Variants in DPP10 observed in about 807,000 individuals in gnomAD.
The protein encoded by DPP10 is inactive dipeptidyl peptidase 10.
Under a neutral mutation model 120.9 loss-of-function variants are expected in DPP10, and 33 were observed. The ratio of observed to expected loss-of-function variants is 0.27; its 90% CI spans 0.21 to 0.37. The LOEUF is 0.37. Ranked by LOEUF, DPP10 falls within the 10% of genes least tolerant of loss-of-function variation. The probability of loss-of-function intolerance (pLI) is 1.00; values close to 1 mark genes in which losing one functional copy is unlikely to be tolerated. For synonymous variants in DPP10, 337 were observed against 326.1 expected, an observed-to-expected ratio of 1.03 and a Z score of -0.36; for missense variants, 816 against 942.8, an observed-to-expected ratio of 0.87 and a Z score of 1.76.
chr2:115,082,404 A>G (rs1431207445), intron 1 of DPP10, among the ~76,000 whole-genome samples: 2 of 152,208 alleles, frequency 1.3e-5, no homozygotes, highest in Non-Finnish European at 2.9e-5. Flanking sequence ...TCTACATGGA[A>G]CTATGGTTAT....
chr2:114,974,471 G>A (rs1159564584), intron 1 of DPP10, among the ~76,000 whole-genome samples: 1 of 145,948 alleles, frequency 6.9e-6, no homozygotes, highest in Non-Finnish European at 1.5e-5. Flanking sequence ...AGGCTGGAGT[G>A]CAGTGGCAAG....
chr2:114,597,825 C>T (rs563288169), intron 1 of DPP10, among the ~76,000 whole-genome samples: 48 of 152,018 alleles, frequency 3.2e-4, no homozygotes, highest in Admixed American at 1.6e-3. Context: ...TTGCCTATAT[C>T]CTAGTTGCTA....
At chr2:115,284,425 A>T (rs2060282999) in intron 1 of DPP10, among the ~76,000 whole-genome samples, 1 of 152,006 alleles carries the variant, frequency 6.6e-6, no homozygotes, top group Admixed American at 6.6e-5. Context: ...GGGTAGCTTC[A>T]GTAAGTCAAA....
intron 3 of DPP10, among the ~76,000 whole-genome samples, chr2:115,442,801 G>A (rs7600133): frequency 0.14 from 20,934 of 151,996 alleles, 3,163 homozygotes; most frequent in African/African-American, 0.36. Flanking sequence ...ACATTATTGA[G>A]AAATGTAAGG....
intron 1 of DPP10, among the ~76,000 whole-genome samples, chr2:114,902,424 T>C (rs186341612): frequency 1.4e-4 from 22 of 152,334 alleles, no homozygotes; most frequent in East Asian, 5.8e-4. Flanking sequence ...GATCGTTCAG[T>C]TGTCTGTTTT....
chr2:115,121,870 C>G (rs13383141), intron 1 of DPP10, among the ~76,000 whole-genome samples: 97 of 152,264 alleles, frequency 6.4e-4, no homozygotes, highest in African/African-American at 2.2e-3. Context: ...CTGAGGCTGA[C>G]TTTTGTAATT....
chr2:115,795,275 G>A (rs531637561), intron 19 of DPP10, among the ~76,000 whole-genome samples: 2 of 152,220 alleles, frequency 1.3e-5, no homozygotes, highest in South Asian at 2.1e-4. Context: ...CCAAGGGCCC[G>A]TCATCTCTTC....
At chr2:114,896,853 T>G (rs1170056054) in intron 1 of DPP10, among the ~76,000 whole-genome samples, 2 of 152,208 alleles carry the variant, frequency 1.3e-5, no homozygotes, top group African/African-American at 2.4e-5. Flanking sequence ...GCCCATTCAG[T>G]ATGATATTGG....
intron 1 of DPP10, among the ~76,000 whole-genome samples, chr2:114,888,331 T>C (rs6710708): frequency 0.61 from 92,157 of 151,706 alleles, 28,291 homozygotes; most frequent in East Asian, 0.7. Context: ...GAATATATCA[T>C]TAAGGAACAC....
intron 1 of DPP10, among the ~76,000 whole-genome samples, chr2:114,562,622 G>A (rs574222798): frequency 1.3e-5 from 2 of 152,274 alleles, no homozygotes; most frequent in Non-Finnish European, 2.9e-5. Flanking sequence ...TTCCATAAAA[G>A]TGACAAATGG....
intron 1 of DPP10, among the ~76,000 whole-genome samples, chr2:114,784,524 A>G (rs1682602484): frequency 6.6e-6 from 1 of 152,132 alleles, no homozygotes; most frequent in Non-Finnish European, 1.5e-5. Flanking sequence ...ATATGTTCCT[A>G]TAAAAAATAT....
intron 1 of DPP10, among the ~76,000 whole-genome samples, chr2:114,911,088 T>C (rs1469911835): frequency 6.6e-6 from 1 of 152,216 alleles, no homozygotes; most frequent in Non-Finnish European, 1.5e-5. Flanking sequence ...ACGTGACTAA[T>C]ATGGTCTTGC....
chr2:115,079,372 C>A (rs866431985), intron 1 of DPP10, among the ~76,000 whole-genome samples: 23 of 146,380 alleles, frequency 1.6e-4, no homozygotes, highest in African/African-American at 2.3e-4. Context: ...TCTCAAAAAA[C>A]AAAAAAAAAG....
chr2:114,471,184 T>G (rs1448373707), intron 1 of DPP10, among the ~76,000 whole-genome samples: 1 of 152,190 alleles, frequency 6.6e-6, no homozygotes, highest in Non-Finnish European at 1.5e-5. Flanking sequence ...ACTTAATAAG[T>G]AATAAAAATA....
At chr2:114,654,973 T>A (rs1696865225) in intron 1 of DPP10, among the ~76,000 whole-genome samples, 1 of 152,148 alleles carries the variant, frequency 6.6e-6, no homozygotes, top group Non-Finnish European at 1.5e-5. Context: ...TTTTCCAATT[T>A]CCCCACTCTC....
At chr2:115,807,579 C>A (rs78043342) in intron 19 of DPP10, among the ~76,000 whole-genome samples, 2,771 of 152,180 alleles carry the variant, frequency 0.018, 86 homozygotes, top group African/African-American at 0.061. Context: ...CAATCTCTGG[C>A]TTTCATTCAA....
chr2:115,377,473 T>C (rs1178558645), intron 3 of DPP10, among the ~76,000 whole-genome samples: 1 of 152,314 alleles, frequency 6.6e-6, no homozygotes, highest in South Asian at 2.1e-4. Flanking sequence ...GATGAGTAGA[T>C]TGCAAAAATT....
chr2:115,140,178 A>T (rs1421925659), intron 1 of DPP10, among the ~76,000 whole-genome samples: 1 of 152,234 alleles, frequency 6.6e-6, no homozygotes, highest in Non-Finnish European at 1.5e-5. Context: ...AAATACAAGG[A>T]TGCTATTTTA....
At chr2:115,348,201 A>C (rs1401532285) in intron 3 of DPP10, among the ~76,000 whole-genome samples, 1 of 152,100 alleles carries the variant, frequency 6.6e-6, no homozygotes, top group African/African-American at 2.4e-5. Context: ...TCTGAGTCCC[A>C]ACACTATTAA....
Sources: gnomAD v4.1 joint callset for allele counts (sites outside exome capture counted in the v4.1 genomes callset) on GRCh38, gnomAD v4.1.1 for gene constraint, MANE v1.5 for transcripts, NCBI Gene and HGNC (gene_info 2026-07-23, HGNC 2026-07-21) for gene names.